The following ZNF717 variants were observed in gnomAD, a reference collection of about 807,000 sequenced individuals.
ZNF717 encodes the protein krueppel-like factor X17.
In ZNF717, 9 loss-of-function variants were observed where a neutral mutation model predicts 13.8. The ratio of observed to expected loss-of-function variants is 0.65; its 90% CI spans 0.39 to 1.14. The LOEUF (loss-of-function observed/expected upper bound fraction) is 1.14. Among genes scored for constraint, ZNF717 ranks in the 50% most tolerant of loss-of-function variants. The pLI, the probability that ZNF717 is intolerant of heterozygous loss-of-function variation, is 0.01. For missense variants in ZNF717, 1,040 were observed against 1,080.7 expected, an observed-to-expected ratio of 0.96 and a Z score of 0.53; for synonymous variants, 327 against 364.1, an observed-to-expected ratio of 0.90 and a Z score of 1.16.
At chr3:75,765,362 A>AT in intron 2 of ZNF717, among the ~76,000 whole-genome samples, 1 of 152,270 alleles carries the variant, frequency 6.6e-6, no homozygotes, top group South Asian at 2.1e-4. Flanking sequence ...ATGATGGTAA[A>AT]TTTTAAGGTA....
chr3:75,742,994 C>A (rs3008982), intron 2 of ZNF717, among the ~76,000 whole-genome samples: 4,372 of 116,450 alleles, frequency 0.038, no homozygotes, highest in Non-Finnish European at 0.051. Context: ...TACACAGAAA[C>A]CTGATATTGG....
At chr3:75,785,240 A>T (rs1219582246) in intron 1 of ZNF717, 144 bp downstream of exon 1, 2 of 152,282 alleles carry the variant, frequency 1.3e-5, no homozygotes, top group African/African-American at 4.8e-5. Context: ...CGGCTCCCTC[A>T]GCGGCAGGAC....
intron 2 of ZNF717, among the ~76,000 whole-genome samples, chr3:75,759,487 G>A (rs1342454677): frequency 3.9e-5 from 6 of 152,224 alleles, no homozygotes; most frequent in African/African-American, 9.6e-5. Context: ...GTGTTAGCCC[G>A]GATGGTCTCG....
intron 2 of ZNF717, among the ~76,000 whole-genome samples, chr3:75,776,136 T>G (rs375874839): frequency 0.022 from 3,372 of 150,318 alleles, no homozygotes; most frequent in South Asian, 0.12. Context: ...CACGGACTTA[T>G]GAAGAACCAG....
chr3:75,774,850 A>C (rs1944186573), intron 2 of ZNF717, among the ~76,000 whole-genome samples: 2 of 151,992 alleles, frequency 1.3e-5, no homozygotes, highest in Admixed American at 6.6e-5. Context: ...TGATCTCCTG[A>C]CCTCGTGATC....
intron 2 of ZNF717, among the ~76,000 whole-genome samples, chr3:75,770,975 A>AT (rs1943835182): frequency 6.6e-6 from 1 of 152,228 alleles, no homozygotes. Context: ...CAGTGAGGTC[A>AT]TAATAGGAAC....
intron 2 of ZNF717, chr3:75,741,989 G>C (rs1940527532): frequency 2.0e-6 from 1 of 490,056 alleles, no homozygotes; most frequent in African/African-American, 2.0e-5. Context: ...ATAAGATGTA[G>C]TTTGTTTTGC....
chr3:75,758,412 A>C (rs900914457), intron 2 of ZNF717, among the ~76,000 whole-genome samples: 1 of 152,190 alleles, frequency 6.6e-6, no homozygotes, highest in Non-Finnish European at 1.5e-5. Context: ...CAACAGATTT[A>C]GAATAAACTC....
chr3:75,745,376 T>A (rs75607109), intron 2 of ZNF717, among the ~76,000 whole-genome samples: 1 of 152,004 alleles, frequency 6.6e-6, no homozygotes, highest in Admixed American at 6.6e-5. Context: ...CCAGTAGCAG[T>A]GTTCTGGAAC....
At chr3:75,744,283 T>C (rs1449563284) in intron 2 of ZNF717, among the ~76,000 whole-genome samples, 1 of 151,838 alleles carries the variant, frequency 6.6e-6, no homozygotes, top group African/African-American at 2.4e-5. Context: ...GGTTCCTATT[T>C]CTGCATGTAA....
At chr3:75,776,659 A>T (rs1025923623) in intron 2 of ZNF717, among the ~76,000 whole-genome samples, 1 of 152,214 alleles carries the variant, frequency 6.6e-6, no homozygotes, top group East Asian at 1.9e-4. Flanking sequence ...TAGTCTCACA[A>T]TTCAGAAGGG....
chr3:75,694,845 G>A (rs62250041), intron 6 of ZNF717, among the ~76,000 whole-genome samples: 2,368 of 89,998 alleles, frequency 0.026, no homozygotes, highest in African/African-American at 0.045. Flanking sequence ...TACCACAGAC[G>A]TACAAAAAGT....
intron 2 of ZNF717, among the ~76,000 whole-genome samples, chr3:75,742,134 T>C (rs1280764993): frequency 6.6e-6 from 1 of 152,082 alleles, no homozygotes; most frequent in East Asian, 1.9e-4. Flanking sequence ...GATAAAAGTA[T>C]AAACAAAATG....
chr3:75,759,867 C>T (rs75523579), intron 2 of ZNF717, among the ~76,000 whole-genome samples: 4,306 of 89,778 alleles, frequency 0.048, no homozygotes, highest in Non-Finnish European at 0.065. Context: ...CTGTACCCGG[C>T]AATTTTTAAA....
rs1575769647 is a variant in ZNF717 at position 75,738,829 on chromosome 3, C to A, written c.794G>T (p.Cys265Phe). ...ATGTTTAGTGAAGTCAGACTTTCTA[C>A]AGCAAGTTGGCTGTCCTACCTGAGT... is the stretch of plus-strand genomic sequence containing the variant. ...VITQVGQPTCCRKSDFTKHQQ... is the reference protein window; with the variant it reads ...VITQVGQPTCFRKSDFTKHQQ... The change falls in exon 5 of 5, where the codon TGT becomes TTT. Residue 265 changes from cysteine (C) to phenylalanine (F), a missense_variant. Coordinates refer to ENST00000652011, the MANE Select transcript of ZNF717 (RefSeq NM_001290208.3). 2 of 1,551,818 alleles carry A rather than the reference C, an allele frequency of 1.3e-6. No individual in the cohort carries two copies. Among genetic ancestry groups the A allele is most frequent in the Admixed American group, 2.0e-5 (1 of 51,030 alleles).
chr3:75,723,913 T>C (rs1333170623), intron 4 of ZNF717, among the ~76,000 whole-genome samples: 1 of 152,206 alleles, frequency 6.6e-6, no homozygotes, highest in African/African-American at 2.4e-5. Context: ...TCCGGAGGCC[T>C]GTCTCCCTGT....
intron 6 of ZNF717, among the ~76,000 whole-genome samples, chr3:75,697,817 A>G (rs1937620511): frequency 6.6e-6 from 1 of 152,310 alleles, no homozygotes; most frequent in South Asian, 2.1e-4. Context: ...AGTTTGTAGG[A>G]TTCAGAAGAA....
rs769182192 is a variant in ZNF717, at chr3:75,741,692, C to A, written c.102G>T (p.Glu34Asp). 3.8e-6 allele frequency: 6 copies of A among 1,592,826 alleles called. No homozygotes were observed. In the Admixed American group the frequency reaches 8.8e-5, roughly 23 times the overall value. ...GAGCATCATCCAGGTCCTGCCACTCCTCCCAGGTGAAGTGCACAGCTACCT... is the reference window on the plus strand; with the variant it reads ...GAGCATCATCCAGGTCCTGCCACTCATCCCAGGTGAAGTGCACAGCTACCT... ...FEEVAVHFTWEEWQDLDDAQR... is the reference protein window; with the variant it reads ...FEEVAVHFTWDEWQDLDDAQR... Residue 34 changes from glutamate (E) to aspartate (D), a missense_variant, in exon 3 of 5, where the codon GAG becomes GAT. Glu to Asp is a conservative substitution (Grantham distance 45). This residue lies in a region of ZNF717 where 123 missense variants were observed against 177.8 expected (regional missense o/e 0.69). Transcript: ENST00000652011.
chr3:75,724,590 G>T (rs1235399858), intron 4 of ZNF717, among the ~76,000 whole-genome samples: 4 of 152,166 alleles, frequency 2.6e-5, no homozygotes, highest in Non-Finnish European at 5.9e-5. Context: ...ATACTGAAAA[G>T]ACATACTTGG....
Sources: allele counts gnomAD v4.1 joint callset (sites outside exome capture counted in the v4.1 genomes callset), GRCh38; gene constraint gnomAD v4.1.1; regional missense constraint gnomAD v4.1.1; transcripts MANE v1.5; gene names NCBI Gene and HGNC (gene_info 2026-07-23, HGNC 2026-07-21).